Variants in NOX4 observed in about 807,000 individuals in gnomAD.
NOX4 encodes kidney oxidase-1.
Under a neutral mutation model 87.6 loss-of-function variants are expected in NOX4, and 69 were observed. The ratio of observed to expected loss-of-function variants is 0.79; its 90% CI spans 0.65 to 0.96. NOX4 has a LOEUF of 0.96. Among genes scored for constraint, NOX4 ranks in the 40% least tolerant of loss-of-function variants. The pLI is 0.00. For synonymous variants in NOX4, 275 were observed against 238.2 expected, an observed-to-expected ratio of 1.15 and a Z score of -1.42; for missense variants, 680 against 681.5, an observed-to-expected ratio of 1.00 and a Z score of 0.02.
chr11:89,580,070 A>G, the NOX4 span, among the ~76,000 whole-genome samples: 1 of 152,222 alleles, frequency 6.6e-6, no homozygotes, highest in Non-Finnish European at 1.5e-5. Context: ...GAAGATAAAG[A>G]TCTTGATGAG....
At chr11:89,438,412 A>T (rs1418035959) in intron 6 of NOX4, among the ~76,000 whole-genome samples, 88 of 111,398 alleles carry the variant, frequency 7.9e-4, no homozygotes, top group African/African-American at 3.0e-3. Flanking sequence ...ATAATATATA[A>T]TATATAATTA....
chr11:89,496,114 C>T (rs1946946273), upstream of NOX4, among the ~76,000 whole-genome samples: 1 of 152,194 alleles, frequency 6.6e-6, no homozygotes, highest in East Asian at 1.9e-4. Context: ...AAAGGCTTAA[C>T]ATTCCCAAGT....
intron 6 of NOX4, among the ~76,000 whole-genome samples, chr11:89,434,329 T>A (rs1943972518): frequency 6.6e-6 from 1 of 152,072 alleles, no homozygotes; most frequent in South Asian, 2.1e-4. Context: ...TACTCGCACC[T>A]CCTCACTTTC....
chr11:89,543,498 A>G, the NOX4 span, among the ~76,000 whole-genome samples: 4 of 152,262 alleles, frequency 2.6e-5, no homozygotes, highest in East Asian at 7.7e-4. Context: ...GAAAAATGTA[A>G]GTATTCTCTA....
At chr11:89,455,010 G>A (rs1945123952) in intron 2 of NOX4, among the ~76,000 whole-genome samples, 1 of 151,978 alleles carries the variant, frequency 6.6e-6, no homozygotes, top group Non-Finnish European at 1.5e-5. Flanking sequence ...GATACGGAAG[G>A]ATAAATATTA....
intron 12 of NOX4, among the ~76,000 whole-genome samples, chr11:89,370,241 T>C (rs1273929419): frequency 1.3e-5 from 2 of 152,054 alleles, no homozygotes; most frequent in Non-Finnish European, 1.5e-5. Context: ...TGGGAATTTA[T>C]ACCCAAGATT....
the NOX4 span, among the ~76,000 whole-genome samples, chr11:89,580,181 T>C: frequency 6.6e-6 from 1 of 152,112 alleles, no homozygotes; most frequent in Non-Finnish European, 1.5e-5. Context: ...AAAGATATAC[T>C]ATTTATTTAT....
At chr11:89,475,069 CAT>C (rs1214023288) in intron 2 of NOX4, among the ~76,000 whole-genome samples, 1 of 151,434 alleles carries the variant, frequency 6.6e-6, no homozygotes, top group Non-Finnish European at 1.5e-5. Context: ...AAATAAACAA[CAT>C]ATGCTTAAGG....
chr11:89,409,081 T>G (rs1942335967), intron 8 of NOX4, among the ~76,000 whole-genome samples: 1 of 150,772 alleles, frequency 6.6e-6, no homozygotes, highest in African/African-American at 2.4e-5. Flanking sequence ...AGGGAAGAGC[T>G]TTGACCCCTT....
At chr11:89,379,419 C>A (rs907092039) in intron 11 of NOX4, among the ~76,000 whole-genome samples, 1 of 151,780 alleles carries the variant, frequency 6.6e-6, no homozygotes, top group African/African-American at 2.4e-5. Context: ...TAATTTTATC[C>A]CCAGATTCAC....
At chr11:89,330,617 AT>A (rs1945428216) in intron 17 of NOX4, among the ~76,000 whole-genome samples, 1 of 148,572 alleles carries the variant, frequency 6.7e-6, no homozygotes, top group Non-Finnish European at 1.5e-5. Flanking sequence ...ACCTAAAGCA[AT>A]TACTAAAAAG....
chr11:89,496,633 TG>T, upstream of NOX4, among the ~76,000 whole-genome samples: 1 of 151,820 alleles, frequency 6.6e-6, no homozygotes, highest in Non-Finnish European at 1.5e-5. Flanking sequence ...AGTCAAATTT[TG>T]CTGCAATTAG....
At chr11:89,579,766 C>T in the NOX4 span, among the ~76,000 whole-genome samples, 3 of 152,092 alleles carry the variant, frequency 2.0e-5, no homozygotes, top group South Asian at 2.1e-4. Context: ...ACTTCCTACT[C>T]GCTTTTTCTG....
upstream of NOX4, among the ~76,000 whole-genome samples, chr11:89,500,882 G>A (rs369292567): frequency 6.6e-6 from 1 of 152,188 alleles, no homozygotes; most frequent in Admixed American, 6.5e-5. Flanking sequence ...ATTATAGCCT[G>A]TTATTATAGA....
At chr11:89,438,797 ATATATTATATATTATATATAT>A (rs1486198550) in intron 6 of NOX4, among the ~76,000 whole-genome samples, 13,160 of 58,388 alleles carry the variant, frequency 0.23, 2,384 homozygotes, top group East Asian at 0.26. Flanking sequence ...ATAGTGTATA[ATATATTATATATTATATATAT>A]TATATAATAT....
At chr11:89,371,132 C>T (rs934886139) in intron 12 of NOX4, among the ~76,000 whole-genome samples, 5 of 151,940 alleles carry the variant, frequency 3.3e-5, no homozygotes, top group Non-Finnish European at 5.9e-5. Flanking sequence ...GAAGGTAATG[C>T]TCCTACTTTT....
chr11:89,453,574 A>G (rs999321862), intron 2 of NOX4, among the ~76,000 whole-genome samples: 1 of 152,224 alleles, frequency 6.6e-6, no homozygotes, highest in African/African-American at 2.4e-5. Context: ...AAATGCAGAG[A>G]TGTTAGCAAA....
At chr11:89,451,056 C>T (rs1391004364) in intron 3 of NOX4, among the ~76,000 whole-genome samples, 2 of 124,824 alleles carry the variant, frequency 1.6e-5, no homozygotes, top group Non-Finnish European at 3.2e-5. Context: ...CACACCAGGG[C>T]CTGTTGTGGG....
chr11:89,506,555 C>T, the NOX4 span, among the ~76,000 whole-genome samples: 3 of 151,670 alleles, frequency 2.0e-5, no homozygotes, highest in Non-Finnish European at 4.4e-5. Flanking sequence ...ACACCAAAAT[C>T]ATGATCTATA....
Sources: gnomAD v4.1 joint callset for allele counts (sites outside exome capture counted in the v4.1 genomes callset) on GRCh38, gnomAD v4.1.1 for gene constraint, MANE v1.5 for transcripts, NCBI Gene and HGNC (gene_info 2026-07-23, HGNC 2026-07-21) for gene names.